NALF1: variants seen among roughly 807,000 people sequenced by gnomAD.
NALF1 encodes family with sequence similarity 155 member A.
In NALF1, 3 loss-of-function variants were observed where a neutral mutation model predicts 48.4. The observed-to-expected ratio is 0.06, with a 90% CI of 0.03 to 0.16. NALF1 has a LOEUF of 0.16. Ranked by LOEUF, NALF1 falls within the 10% of genes least tolerant of loss-of-function variation. The pLI, the probability that NALF1 is intolerant of heterozygous loss-of-function variation, is 1.00. For missense variants in NALF1, 526 were observed against 571.5 expected, an observed-to-expected ratio of 0.92 and a Z score of 0.81; for synonymous variants, 262 against 245.7, an observed-to-expected ratio of 1.07 and a Z score of -0.62.
intron 1 of NALF1, among the ~76,000 whole-genome samples, chr13:107,558,490 A>G (rs1015980517): frequency 1.3e-5 from 2 of 152,198 alleles, no homozygotes; most frequent in Non-Finnish European, 2.9e-5. Context: ...ATGATCCCAC[A>G]ACAAATAAAA....
intron 1 of NALF1, among the ~76,000 whole-genome samples, chr13:107,664,749 G>A (rs907501313): frequency 2.0e-5 from 3 of 151,970 alleles, no homozygotes; most frequent in African/African-American, 7.3e-5. Context: ...TTTCTACATT[G>A]TATTCTTTTA....
At chr13:107,199,613 A>C (rs766903646) in intron 2 of NALF1, among the ~76,000 whole-genome samples, 1 of 152,190 alleles carries the variant, frequency 6.6e-6, no homozygotes, top group Non-Finnish European at 1.5e-5. Context: ...TGTAAGTTCC[A>C]TAAGCTTAGA....
chr13:107,207,404 A>C (rs1594070209), intron 2 of NALF1, among the ~76,000 whole-genome samples: 2 of 152,342 alleles, frequency 1.3e-5, no homozygotes, highest in East Asian at 1.9e-4. Flanking sequence ...ACGGACATCC[A>C]AAAATGTGCA....
At chr13:107,480,003 T>C (rs954651926) in intron 1 of NALF1, among the ~76,000 whole-genome samples, 4 of 152,212 alleles carry the variant, frequency 2.6e-5, no homozygotes, top group African/African-American at 4.8e-5. Context: ...ATTTAAGTAA[T>C]TTCTGGCTTG....
At chr13:107,455,777 G>A (rs1460456250) in intron 1 of NALF1, among the ~76,000 whole-genome samples, 1 of 151,940 alleles carries the variant, frequency 6.6e-6, no homozygotes, top group African/African-American at 2.4e-5. Flanking sequence ...CATATAGTTG[G>A]AATGATATGT....
chr13:107,510,401 T>G (rs2139086755), intron 1 of NALF1, among the ~76,000 whole-genome samples: 1 of 152,292 alleles, frequency 6.6e-6, no homozygotes, highest in South Asian at 2.1e-4. Flanking sequence ...ATTTCATTAC[T>G]TTTAAATGGA....
chr13:107,299,435 C>CAATAAT (rs549026613), intron 1 of NALF1, among the ~76,000 whole-genome samples: 4,095 of 124,006 alleles, frequency 0.033, 132 homozygotes, highest in East Asian at 0.075. Flanking sequence ...GACTTTGTCT[C>CAATAAT]AATAATAATA....
In NALF1 at chr13:107,483,147, C is replaced by T. The variant is rs181706065; in HGVS notation, c.916-272392G>A. On this transcript the variant is annotated intron_variant, in intron 1 of 2. Coordinates refer to ENST00000375915, the MANE Select transcript of NALF1 (RefSeq NM_001080396.3). ...CTGTTTTTATTCACCTAGCATCATG[C>T]CTGCACATAGGAAGAAATCACTATC... Among the ~76,000 whole-genome samples the T allele has an allele frequency of 2.6e-4, 40 of 152,216 alleles. No individual in the cohort carries two copies. The East Asian group carries it at 4.1e-3, about 15-fold the overall frequency.
intron 1 of NALF1, among the ~76,000 whole-genome samples, chr13:107,553,500 A>G (rs1877359241): frequency 6.6e-6 from 1 of 152,220 alleles, no homozygotes; most frequent in Admixed American, 6.5e-5. Flanking sequence ...ATCTTCGAAT[A>G]AAACCCTTTC....
intron 1 of NALF1, among the ~76,000 whole-genome samples, chr13:107,396,522 C>T (rs958853201): frequency 2.6e-5 from 4 of 152,196 alleles, no homozygotes; most frequent in African/African-American, 9.6e-5. Context: ...TAAAGCACTC[C>T]GGGGGACTGA....
chr13:107,303,159 T>C (rs925038742), intron 1 of NALF1, among the ~76,000 whole-genome samples: 3 of 152,218 alleles, frequency 2.0e-5, no homozygotes, highest in East Asian at 1.9e-4. Context: ...AAGCTTTTTT[T>C]CATGTGTTTG....
chr13:107,843,236 C>T (rs1309852603), intron 1 of NALF1, among the ~76,000 whole-genome samples: 1 of 152,098 alleles, frequency 6.6e-6, no homozygotes, highest in Non-Finnish European at 1.5e-5. Context: ...TACAACAATG[C>T]CAAGAGGTAG....
intron 2 of NALF1, among the ~76,000 whole-genome samples, chr13:107,207,696 T>A (rs1924689): frequency 0.55 from 83,186 of 152,130 alleles, 23,771 homozygotes; most frequent in East Asian, 0.72. Context: ...CTGCCCAGGC[T>A]GGAGTGCAGT....
At chr13:107,288,331 T>C (rs1367449150) in intron 1 of NALF1, among the ~76,000 whole-genome samples, 2 of 149,750 alleles carry the variant, frequency 1.3e-5, no homozygotes, top group African/African-American at 2.5e-5. Flanking sequence ...GCCATTCTCC[T>C]GCCTCAGCCT....
At chr13:107,859,914 C>CAAAAAAAA (rs778833499) in intron 1 of NALF1, among the ~76,000 whole-genome samples, 8 of 66,436 alleles carry the variant, frequency 1.2e-4, no homozygotes, top group East Asian at 6.6e-4. Context: ...AACTCCAACT[C>CAAAAAAAA]AAAAAAAAAA....
intron 1 of NALF1, among the ~76,000 whole-genome samples, chr13:107,374,844 C>A (rs1883309367): frequency 6.6e-6 from 1 of 152,138 alleles, no homozygotes; most frequent in South Asian, 2.1e-4. Flanking sequence ...TGTTAAGATG[C>A]AGCAAGAAGG....
chr13:107,726,495 C>T, intron 1 of NALF1, among the ~76,000 whole-genome samples: 1 of 151,936 alleles, frequency 6.6e-6, no homozygotes, highest in East Asian at 1.9e-4. Context: ...CAACATGAAG[C>T]TATGTGATGT....
intron 1 of NALF1, among the ~76,000 whole-genome samples, chr13:107,685,038 G>A (rs1040637414): frequency 1.3e-5 from 2 of 152,142 alleles, no homozygotes; most frequent in Non-Finnish European, 2.9e-5. Flanking sequence ...AAGAAGGCTG[G>A]GTGCAGTGGC....
At chr13:107,280,579 A>G (rs1881367232) in intron 1 of NALF1, among the ~76,000 whole-genome samples, 2 of 152,182 alleles carry the variant, frequency 1.3e-5, no homozygotes, top group South Asian at 4.1e-4. Flanking sequence ...ACTATAATCT[A>G]GAGTCTTAAT....
Sources: gnomAD v4.1 joint callset for allele counts (sites outside exome capture counted in the v4.1 genomes callset) on GRCh38, gnomAD v4.1.1 for gene constraint, MANE v1.5 for transcripts, NCBI Gene and HGNC (gene_info 2026-07-23, HGNC 2026-07-21) for gene names.